ALKBH8: variants seen among roughly 807,000 people sequenced by gnomAD.
ALKBH8 encodes tRNA (carboxymethyluridine(34)-5-O)-methyltransferase ALKBH8.
Under a neutral mutation model 59.8 loss-of-function variants are expected in ALKBH8, and 36 were observed. That is an observed-to-expected ratio of 0.60 (90% CI 0.46 to 0.79). ALKBH8 has a LOEUF of 0.79. Among genes scored for constraint, ALKBH8 ranks in the 30% least tolerant of loss-of-function variants. The probability of loss-of-function intolerance (pLI) is 0.00; values close to 1 mark genes in which losing one functional copy is unlikely to be tolerated. For synonymous variants in ALKBH8, 276 were observed against 273.6 expected (o/e 1.01, Z -0.09); for missense variants, 768 against 801.0 (o/e 0.96, Z 0.50).
intron 7 of ALKBH8, among the ~76,000 whole-genome samples, chr11:107,534,496 C>T (rs1296699127): frequency 6.6e-6 from 1 of 152,112 alleles, no homozygotes; most frequent in Non-Finnish European, 1.5e-5. Context: ...TAATATTGAA[C>T]ATGTTTTACA....
At chr11:107,513,819 T>A (rs1014552237) in intron 10 of ALKBH8, among the ~76,000 whole-genome samples, 3 of 152,098 alleles carry the variant, frequency 2.0e-5, no homozygotes, top group Non-Finnish European at 4.4e-5. Context: ...TGTTTTCACG[T>A]ATAAGTAAGA....
chr11:107,540,940 T>C (rs577058238), intron 7 of ALKBH8, among the ~76,000 whole-genome samples: 4 of 152,274 alleles, frequency 2.6e-5, no homozygotes, highest in African/African-American at 9.6e-5. Flanking sequence ...AATAGGGTGG[T>C]GTATATTTTA....
In ALKBH8 at chr11:107,542,260, G is replaced by C. The variant is rs138431860; in HGVS notation, c.771+7493C>G. 3.7e-3 allele frequency among the ~76,000 whole-genome samples: 555 copies of C among 151,818 alleles called. 4 individuals are homozygous for C. Among genetic ancestry groups the C allele is most frequent in the South Asian group, 0.016 (77 of 4,808 alleles). Reference sequence around the variant, plus strand: ...ATAAACAAGCCAATCAAAATAAGCAGAATAAGCAGGATCATAAAAATAAAA... The same window carrying C: ...ATAAACAAGCCAATCAAAATAAGCACAATAAGCAGGATCATAAAAATAAAA... On this transcript the variant is annotated intron_variant, in intron 7 of 11. Transcript: ENST00000428149.
At position 107,530,606 on chromosome 11, in the gene ALKBH8, C is replaced by CACACAG. The variant is rs1306079167; in HGVS notation, c.878+1693_878+1694insCTGTGT. Among the ~76,000 whole-genome samples, 46 of 13,470 alleles carry CACACAG rather than the reference C, an allele frequency of 3.4e-3. No homozygotes were observed. The East Asian group carries it at 0.059, about 17-fold the overall frequency. 8.8% of individuals were successfully genotyped at this position (13,470 alleles called of 152,430 possible). A position where few individuals can be genotyped will look rare whatever the true frequency, so the allele number is the denominator to read the frequency against. ...CCCATCTCTCTCTCTTCCTAACACA[C>CACACAG]ACACACACACACACACACACACACA... On this transcript the variant is annotated intron_variant, in intron 8 of 11. Transcript: ENST00000428149.
At chr11:107,514,098 T>C (rs556827555) in intron 10 of ALKBH8, among the ~76,000 whole-genome samples, 42 of 152,232 alleles carry the variant, frequency 2.8e-4, no homozygotes, top group Non-Finnish European at 4.4e-4. Flanking sequence ...CAAGCATATA[T>C]AGATTTCAGG....
chr11:107,522,651 T>C (rs1863167604), intron 9 of ALKBH8, 96 bp from the exon 10 acceptor site: 1 of 1,354,036 alleles, frequency 7.4e-7, no homozygotes, highest in East Asian at 2.5e-5. Context: ...AATGCAAATT[T>C]GGTGGGTAGA....
chr11:107,555,126 G>T (rs1357782318), intron 3 of ALKBH8, among the ~76,000 whole-genome samples: 1 of 152,100 alleles, frequency 6.6e-6, no homozygotes, highest in Admixed American at 6.5e-5. Flanking sequence ...CGGCCGCAGT[G>T]GCGGGCACCT....
At chr11:107,541,953 C>T (rs1223671666) in intron 7 of ALKBH8, among the ~76,000 whole-genome samples, 1 of 152,012 alleles carries the variant, frequency 6.6e-6, no homozygotes, top group Non-Finnish European at 1.5e-5. Context: ...CAGAAAAATG[C>T]CGTAACTGAA....
At chr11:107,527,681 C>T (rs546985259) in intron 8 of ALKBH8, among the ~76,000 whole-genome samples, 5 of 151,986 alleles carry the variant, frequency 3.3e-5, no homozygotes, top group East Asian at 1.9e-4. Flanking sequence ...CCTTGTATGT[C>T]GCTAAATTCA....
chr11:107,543,422 T>C (rs1422616381), intron 7 of ALKBH8, among the ~76,000 whole-genome samples: 1 of 152,224 alleles, frequency 6.6e-6, no homozygotes, highest in Non-Finnish European at 1.5e-5. Context: ...TCCCCTAGAA[T>C]GCACAGGACA....
intron 11 of ALKBH8, among the ~76,000 whole-genome samples, 199 bp from the exon 12 acceptor site, chr11:107,505,414 G>T (rs1469876419): frequency 6.6e-6 from 1 of 152,200 alleles, no homozygotes; most frequent in Non-Finnish European, 1.5e-5. Flanking sequence ...GAAGGAGGAA[G>T]TACAGAAAAG....
intron 11 of ALKBH8, among the ~76,000 whole-genome samples, chr11:107,505,734 A>C (rs1862355855): frequency 6.6e-6 from 1 of 152,224 alleles, no homozygotes; most frequent in Non-Finnish European, 1.5e-5. Context: ...AAGGGCTGTA[A>C]TCCCTGAGAG....
At chr11:107,507,759 TA>T (rs997227071) in intron 11 of ALKBH8, among the ~76,000 whole-genome samples, 1 of 152,116 alleles carries the variant, frequency 6.6e-6, no homozygotes, top group African/African-American at 2.4e-5. Flanking sequence ...TGGATTAAAA[TA>T]GAGATATCCT....
intron 9 of ALKBH8, among the ~76,000 whole-genome samples, chr11:107,523,164 A>C (rs1216896124): frequency 4.6e-5 from 7 of 152,224 alleles, no homozygotes; most frequent in Admixed American, 4.6e-4. Context: ...CTGCACTCAC[A>C]TGTTTACTGC....
rs1863414915 is a variant in ALKBH8, at chr11:107,527,776, T to C, written c.879-2184A>G. Reference sequence around the variant, plus strand: ...GTAATCTACAAATAAAGAATTTTACTCCTTCCTTTCAAATATTTATGATTT... The same window carrying C: ...GTAATCTACAAATAAAGAATTTTACCCCTTCCTTTCAAATATTTATGATTT... On this transcript the variant is annotated intron_variant, in intron 8 of 11. Coordinates refer to ENST00000428149, the MANE Select transcript of ALKBH8 (RefSeq NM_138775.3). 2.6e-5 allele frequency among the ~76,000 whole-genome samples: 4 copies of C among 152,096 alleles called. No homozygotes were observed. The South Asian group carries it at 8.3e-4, about 32-fold the overall frequency.
chr11:107,539,897 T>C (rs1336443190), intron 7 of ALKBH8, among the ~76,000 whole-genome samples: 1 of 152,212 alleles, frequency 6.6e-6, no homozygotes, highest in Non-Finnish European at 1.5e-5. Flanking sequence ...TATTCCCTTG[T>C]TCTGAAGCCA....
At chr11:107,560,924 A>G (rs1158378270) in intron 1 of ALKBH8, 25 bp from the exon 2 acceptor site, 1 of 1,594,178 alleles carries the variant, frequency 6.3e-7, no homozygotes, top group African/African-American at 1.4e-5. Flanking sequence ...GACAGTAAAA[A>G]AGTCAACCTT....
At chr11:107,535,891 G>A (rs1163206564) in intron 7 of ALKBH8, among the ~76,000 whole-genome samples, 2 of 152,066 alleles carry the variant, frequency 1.3e-5, no homozygotes, top group African/African-American at 4.8e-5. Flanking sequence ...TGCTTCAAAT[G>A]TAGAAAGAAG....
At chr11:107,520,644 A>G (rs939024157) in intron 10 of ALKBH8, among the ~76,000 whole-genome samples, 2 of 152,226 alleles carry the variant, frequency 1.3e-5, no homozygotes, top group African/African-American at 4.8e-5. Flanking sequence ...AAGTGACACA[A>G]TCAAAGATCT....
Sources: allele counts gnomAD v4.1 joint callset (sites outside exome capture counted in the v4.1 genomes callset), GRCh38; gene constraint gnomAD v4.1.1; transcripts MANE v1.5; gene names NCBI Gene and HGNC (gene_info 2026-07-23, HGNC 2026-07-21).